The following C13orf46 variants were observed in gnomAD, a reference collection of about 807,000 sequenced individuals.
C13orf46 encodes the protein uncharacterized protein C13orf46.
At chr13:113,946,293 C>T in the C13orf46 span, among the ~76,000 whole-genome samples, 1 of 152,180 alleles carries the variant, frequency 6.6e-6, no homozygotes, top group Non-Finnish European at 1.5e-5. Flanking sequence ...AGCACACGCA[C>T]CCCTCTAACT....
At chr13:113,964,303 C>T (rs2052616305) in intron 6 of C13orf46, among the ~76,000 whole-genome samples, 2 of 152,184 alleles carry the variant, frequency 1.3e-5, no homozygotes, top group African/African-American at 4.8e-5. Context: ...ACTATAGATC[C>T]ATGGGCCCCC....
the C13orf46 span, among the ~76,000 whole-genome samples, chr13:113,931,670 C>T: frequency 6.6e-6 from 1 of 152,332 alleles, no homozygotes; most frequent in African/African-American, 2.4e-5. Context: ...CTTAAATACA[C>T]CAAAAGTGAG....
chr13:113,973,053 G>T lies in C13orf46; in HGVS notation c.190+755C>A, dbSNP rs548592914. ...AGGCAGGAGGCCCGGCCCGGTCCCTGCTGCCGGTGGAAGGAAAATGAATCT... is the reference window on the plus strand; with the variant it reads ...AGGCAGGAGGCCCGGCCCGGTCCCTTCTGCCGGTGGAAGGAAAATGAATCT... On this transcript the variant is annotated intron_variant, in intron 1 of 6. Coordinates refer to ENST00000636427, the MANE Select transcript of C13orf46 (RefSeq NM_001365455.2). 2.0e-5 allele frequency among the ~76,000 whole-genome samples: 3 copies of T among 152,368 alleles called. No individual in the cohort carries two copies. In the South Asian group the frequency reaches 6.2e-4, roughly 32 times the overall value.
chr13:113,933,775 G>A, the C13orf46 span, among the ~76,000 whole-genome samples: 935 of 152,234 alleles, frequency 6.1e-3, 7 homozygotes, highest in African/African-American at 0.021. Context: ...AAAAGTTGCC[G>A]AATAGTACAG....
intron 6 of C13orf46, among the ~76,000 whole-genome samples, chr13:113,961,078 G>C (rs954554192): frequency 1.4e-4 from 22 of 152,276 alleles, no homozygotes; most frequent in African/African-American, 4.8e-4. Flanking sequence ...ATTTTTAAAT[G>C]ATCTGTAATT....
At chr13:113,938,372 G>A in the C13orf46 span, among the ~76,000 whole-genome samples, 2 of 152,212 alleles carry the variant, frequency 1.3e-5, no homozygotes, top group Admixed American at 6.5e-5. Context: ...AGGCAGGGCT[G>A]GCAGGAGCCT....
chr13:113,951,304 T>A (rs1459101239), downstream of C13orf46, among the ~76,000 whole-genome samples: 3 of 152,162 alleles, frequency 2.0e-5, no homozygotes, highest in African/African-American at 7.2e-5. Flanking sequence ...CACGGGGTGG[T>A]GCTGTTGGCC....
rs1163707076 is a variant in C13orf46, at chr13:113,955,639, GAGGAGTAGTGTCTGGCAGAGACA to G, written c.*1111_*1133del. On this transcript the variant is annotated 3_prime_UTR_variant, in exon 7 of 7. Coordinates refer to ENST00000636427, the MANE Select transcript of C13orf46 (RefSeq NM_001365455.2). ...ACGAGGAGTAGTGTCTGGCGGAGAC[GAGGAGTAGTGTCTGGCAGAGACA>G]AGGAGTAGTGTCTGGCAGAGACGAG... 60,553 of 135,282 alleles carry G rather than the reference GAGGAGTAGTGTCTGGCAGAGACA, an allele frequency of 0.45. 16,022 individuals carry two copies. The highest frequency in any genetic ancestry group is 0.53 in the East Asian group (2,203 of 4,142). 8.4% of individuals were successfully genotyped at this position (135,282 alleles called of 1,614,324 possible).
At chr13:113,942,883 G>T in the C13orf46 span, among the ~76,000 whole-genome samples, 1 of 152,222 alleles carries the variant, frequency 6.6e-6, no homozygotes, top group Admixed American at 6.5e-5. Flanking sequence ...GCGCCCCAGT[G>T]CCCGCCGGAG....
At chr13:113,926,602 TG>T in the C13orf46 span, 1 of 152,008 alleles carries the variant, frequency 6.6e-6, no homozygotes, top group Non-Finnish European at 1.5e-5. Context: ...TTCCAGAGGA[TG>T]GGGAAGGAAT....
the C13orf46 span, among the ~76,000 whole-genome samples, chr13:113,935,834 C>G: frequency 6.6e-6 from 1 of 152,252 alleles, no homozygotes; most frequent in Non-Finnish European, 1.5e-5. Flanking sequence ...AATAAACAGC[C>G]CTGTGCCCCC....
chr13:113,962,007 G>A (rs1393706404), intron 6 of C13orf46, among the ~76,000 whole-genome samples: 1 of 152,210 alleles, frequency 6.6e-6, no homozygotes, highest in African/African-American at 2.4e-5. Flanking sequence ...AGTGCTCTGC[G>A]TGATCTGTGG....
At chr13:113,933,590 G>A in the C13orf46 span, among the ~76,000 whole-genome samples, 2 of 152,180 alleles carry the variant, frequency 1.3e-5, no homozygotes, top group Non-Finnish European at 2.9e-5. Flanking sequence ...TCAATCTGGG[G>A]AGAGTTGGCA....
At chr13:113,950,441 G>A (rs2052484434), downstream of C13orf46, among the ~76,000 whole-genome samples, 3 of 151,200 alleles carry the variant, frequency 2.0e-5, no homozygotes, top group Admixed American at 6.6e-5. Context: ...CTGTAGAGTG[G>A]GGTCCTCACC....
chr13:113,945,654 AAG>A, the C13orf46 span, among the ~76,000 whole-genome samples: 2 of 138,912 alleles, frequency 1.4e-5, no homozygotes, highest in African/African-American at 5.3e-5. Context: ...GAAAGAAAGA[AAG>A]AAAGAAAGAA....
chr13:113,933,109 C>T, the C13orf46 span, among the ~76,000 whole-genome samples: 6 of 152,192 alleles, frequency 3.9e-5, no homozygotes, highest in African/African-American at 9.7e-5. Flanking sequence ...AAATGATCCA[C>T]CTGCCTCAGC....
At chr13:113,933,708 T>C in the C13orf46 span, among the ~76,000 whole-genome samples, 2 of 152,220 alleles carry the variant, frequency 1.3e-5, no homozygotes, top group East Asian at 3.8e-4. Flanking sequence ...TTGTCAAGTT[T>C]ATTTCTAAGT....
chr13:113,950,116 A>G (rs1280696329), downstream of C13orf46, among the ~76,000 whole-genome samples: 4 of 68,808 alleles, frequency 5.8e-5, no homozygotes, highest in Admixed American at 5.5e-4. Context: ...CCTGCCTCAG[A>G]GACCTCGGTG....
intron 1 of C13orf46, among the ~76,000 whole-genome samples, chr13:113,971,432 G>T (rs1347703102): frequency 2.0e-5 from 3 of 152,216 alleles, no homozygotes; most frequent in African/African-American, 7.2e-5. Context: ...CCACGAGTGG[G>T]GCCCAGAGGT....
Sources: gnomAD v4.1 joint callset for allele counts (sites outside exome capture counted in the v4.1 genomes callset) on GRCh38, gnomAD v4.1.1 for gene constraint, MANE v1.5 for transcripts, NCBI Gene and HGNC (gene_info 2026-07-23, HGNC 2026-07-21) for gene names.